PRRT3: variants seen among roughly 807,000 people sequenced by gnomAD.
The protein encoded by PRRT3 is proline-rich transmembrane protein 3.
PRRT3 carries 48 observed loss-of-function variants against 56.6 expected under a neutral mutation model. The ratio of observed to expected loss-of-function variants is 0.85; its 90% CI spans 0.67 to 1.08. The LOEUF (loss-of-function observed/expected upper bound fraction) is 1.08, where lower values mean the gene tolerates loss of function less well. Ranked by LOEUF, PRRT3 falls within the 50% of genes least tolerant of loss-of-function variation. The pLI, the probability that PRRT3 is intolerant of heterozygous loss-of-function variation, is 0.00. For missense variants in PRRT3, 1,370 were observed against 1,353.1 expected (o/e 1.01, Z -0.20); for synonymous variants, 641 against 619.1 (o/e 1.04, Z -0.52).
rs962973586 is a variant in PRRT3, at chr3:9,947,296, T to G, written c.1877A>C (p.Asp626Ala). 6.3e-7 allele frequency: 1 copy of G among 1,574,988 alleles called. No homozygotes were observed. Among genetic ancestry groups the G allele is most frequent in the Admixed American group, 1.8e-5 (1 of 55,328 alleles). The stretch of plus-strand genomic sequence containing the variant: ...GCTGGCATCCCAGCCCCGTGGGCCG[T>G]CCAGCAGGCGGCGACGGCACAGGCA... ...TLCLCRRRLL[D>A]GPRGWDASPG... The change falls in exon 4 of 4, where the codon GAC becomes GCC. Residue 626 changes from aspartate (D) to alanine (A), a missense_variant. Physicochemically the swap from Asp to Ala is moderately radical, Grantham distance 126. Coordinates refer to ENST00000412055, the MANE Select transcript of PRRT3 (RefSeq NM_207351.5). This position sits in a 1 kb window ranked among gnomAD's most constrained non-coding sequence, Gnocchi z 9.2.
Position 9,949,388 on chromosome 3 carries a change from G to A in PRRT3, c.728C>T (p.Thr243Ile). 6.2e-7 allele frequency: 1 copy of A among 1,614,198 alleles called. No homozygotes were observed. Among genetic ancestry groups the A allele is most frequent in the Non-Finnish European group, 8.5e-7 (1 of 1,180,042 alleles). Residue 243 changes from threonine (T) to isoleucine (I), a missense_variant, in exon 2 of 4, where the codon ACC becomes ATC. Thr to Ile is a moderately conservative substitution (Grantham distance 89). Coordinates refer to ENST00000412055, the MANE Select transcript of PRRT3 (RefSeq NM_207351.5). The surrounding 1 kb of genome is among the most constrained non-coding windows in gnomAD (Gnocchi z 4.5). ...ATCAGGGGCTGCTGGATCCTGCTGG[G>A]TGAAGTGGGGACCTTGAGCTGCCTC... ...LQEAAQGPHFTQQDPAAPDVG... is the reference protein window; with the variant it reads ...LQEAAQGPHFIQQDPAAPDVG...
rs2085551326 is a variant in PRRT3, at chr3:9,947,688, G to T, written c.1485C>A (p.Ala495=). 6.4e-7 allele frequency: 1 copy of T among 1,568,148 alleles called. No homozygotes were observed. The highest frequency in any genetic ancestry group is 8.6e-7 in the Non-Finnish European group (1 of 1,160,460). Residue 495 remains alanine, a synonymous_variant, in exon 4 of 4, where the codon GCC becomes GCA. Transcript: ENST00000412055. The surrounding 1 kb of genome is among the most constrained non-coding windows in gnomAD (Gnocchi z 9.2). ...PALLALAALA[A]APAGPRLALV... is the part of the protein sequence containing the mutation. ...ATGCCAGCCGGGGCCCTGCTGGGGCGGCTGCCAGCGCAGCCAGCGCCAACA... is the reference window on the plus strand; with the variant it reads ...ATGCCAGCCGGGGCCCTGCTGGGGCTGCTGCCAGCGCAGCCAGCGCCAACA...
chr3:9,952,137 G>A (rs531837620), intron 1 of PRRT3, among the ~76,000 whole-genome samples, 185 bp downstream of exon 1: 6 of 152,038 alleles, frequency 3.9e-5, no homozygotes, highest in East Asian at 3.9e-4. Flanking sequence ...TCCATCTCGG[G>A]TTACCTCTCC....
rs367993082 is a variant in PRRT3 at position 9,948,880 on chromosome 3, G to T, written c.1049C>A (p.Ser350Tyr). The T allele has an allele frequency of 7.5e-6, 12 of 1,604,462 alleles. No homozygotes were observed. Among genetic ancestry groups the T allele is most frequent in the Middle Eastern group, 1.7e-4 (1 of 6,010 alleles). Residue 350 changes from serine (S) to tyrosine (Y), a missense_variant, in exon 3 of 4, where the codon TCC becomes TAC. Physicochemically the swap from Ser to Tyr is moderately radical, Grantham distance 144. Coordinates refer to ENST00000412055, the MANE Select transcript of PRRT3 (RefSeq NM_207351.5). ...RAAMNGADPISPQRVRGAVEA... is the reference protein window; with the variant it reads ...RAAMNGADPIYPQRVRGAVEA... ...CACAGCTCCTCTCACCCGCTGGGGG[G>T]AGATGGGGTCTGCTCCATTCATTGC...
chr3:9,951,236 G>A (rs1433284246), intron 1 of PRRT3, among the ~76,000 whole-genome samples: 4 of 152,184 alleles, frequency 2.6e-5, no homozygotes, highest in African/African-American at 9.6e-5. Flanking sequence ...AGGGAGGCAG[G>A]AAGGGGCCCC....
In PRRT3 at chr3:9,949,734, T is replaced by C; in HGVS notation, c.382A>G (p.Thr128Ala). ...AGCTCTTGTGAGTCCAGAGGTCCTG[T>C]CCAGCCGTGGGAGCTTGGTCCTTGA... ...MAQGPSSHGW[T>A]GPLDSQELLQ... is the part of the protein sequence containing the mutation. Residue 128 changes from threonine (T) to alanine (A), a missense_variant, in exon 2 of 4, where the codon ACA becomes GCA. By Grantham distance (58) the Thr-to-Ala change is moderately conservative. Transcript: ENST00000412055. The surrounding 1 kb of genome is among the most constrained non-coding windows in gnomAD (Gnocchi z 4.5). 6.2e-7 allele frequency: 1 copy of C among 1,614,158 alleles called. No individual in the cohort carries two copies. Among genetic ancestry groups the C allele is most frequent in the Non-Finnish European group, 8.5e-7 (1 of 1,180,028 alleles).
rs1419046599 is a variant in PRRT3 at position 9,947,133 on chromosome 3, G to T, written c.2040C>A (p.Phe680Leu). The change falls in exon 4 of 4, where the codon TTC (phenylalanine) becomes TTA (leucine). Residue 680 changes from phenylalanine to leucine, a missense_variant. Transcript: ENST00000412055. This position sits in a 1 kb window ranked among gnomAD's most constrained non-coding sequence, Gnocchi z 9.2. The stretch of plus-strand genomic sequence containing the variant: ...ATGTCAGCTCCAGGAGGCGCAGCCA[G>T]AAGTGGACACCCCACCAGGCCCACG... ...RFSWAWWGVH[F>L]WLRLLELTWA... 7 of 1,538,786 alleles carry T rather than the reference G, an allele frequency of 4.5e-6. No individual in the cohort carries two copies. In the Admixed American group the frequency reaches 7.8e-5, roughly 17 times the overall value.
intron 3 of PRRT3, 142 bp downstream of exon 3, chr3:9,948,616 T>C (rs770023055): frequency 3.3e-6 from 3 of 910,944 alleles, no homozygotes; most frequent in East Asian, 2.5e-5. Context: ...CCTAGGTTGT[T>C]TGAAGGAGGC....
rs770491572 is a variant in PRRT3, at chr3:9,946,617, C to T, written c.2556G>A (p.Arg852=). 1.1e-5 allele frequency: 16 copies of T among 1,393,868 alleles called. No individual in the cohort carries two copies. The highest frequency in any genetic ancestry group is 1.5e-5 in the African/African-American group (1 of 65,382). 86.3% of individuals were successfully genotyped at this position (1,393,868 alleles called of 1,614,324 possible). Residue 852 remains arginine, a synonymous_variant, in exon 4 of 4, where the codon CGG becomes CGA. Coordinates refer to ENST00000412055, the MANE Select transcript of PRRT3 (RefSeq NM_207351.5). The surrounding 1 kb of genome is among the most constrained non-coding windows in gnomAD (Gnocchi z 4.1). ...PPPGGALRPR[R]GSHPKAELDD... is the part of the protein sequence containing the mutation. ...CGAGCTCGGCTTTGGGATGGCTGCC[C>T]CGGCGCGGCCGCAGAGCGCCTCCAG... is the stretch of plus-strand genomic sequence containing the variant.
Position 9,945,635 on chromosome 3 carries a change from C to G in PRRT3, c.*592G>C, listed in dbSNP as rs934364903. On this transcript the variant is annotated 3_prime_UTR_variant, in exon 4 of 4. Coordinates refer to ENST00000412055, the MANE Select transcript of PRRT3 (RefSeq NM_207351.5). ...CGTTGGGGAGTCTGGGGCACCTGCT[C>G]CCTGTTCTTCATGCCCGAATCCATG... 6.5e-6 allele frequency: 1 copy of G among 153,302 alleles called. No individual in the cohort carries two copies. The highest frequency in any genetic ancestry group is 2.4e-5 in the African/African-American group (1 of 41,434). 9.5% of individuals were successfully genotyped at this position (153,302 alleles called of 1,614,324 possible).
rs1266339087 is a variant in PRRT3 at position 9,952,330 on chromosome 3, C to T, written c.-66G>A. ...CTGGGCCAGCTCCTCACCTGCGCGC[C>T]GCAGCCCCCGTGTTCACCTTGCGCG... On this transcript the variant is annotated 5_prime_UTR_variant, in exon 1 of 4. Coordinates refer to ENST00000412055, the MANE Select transcript of PRRT3 (RefSeq NM_207351.5). The T allele has an allele frequency of 6.6e-6, 1 of 152,316 alleles. No homozygotes were observed. The highest frequency in any genetic ancestry group is 1.5e-5 in the Non-Finnish European group (1 of 68,118). 9.4% of individuals were successfully genotyped at this position (152,316 alleles called of 1,614,324 possible).
rs1461486392 is a variant in PRRT3, at chr3:9,947,156, A to G, written c.2017T>C (p.Trp673Arg). The change falls in exon 4 of 4, where the codon TGG becomes CGG. Residue 673 changes from tryptophan to arginine, a missense_variant. Coordinates refer to ENST00000412055, the MANE Select transcript of PRRT3 (RefSeq NM_207351.5). The surrounding 1 kb of genome is among the most constrained non-coding windows in gnomAD (Gnocchi z 9.2). ...CAGAAGTGGACACCCCACCAGGCCC[A>G]CGAGAAGCGGCCCACGCGGCCTGGG... ...PGPGRVGRFS[W>R]AWWGVHFWLR... 1 of 1,536,022 alleles carries G rather than the reference A, an allele frequency of 6.5e-7. No homozygotes were observed. Among genetic ancestry groups the G allele is most frequent in the Non-Finnish European group, 8.7e-7 (1 of 1,146,784 alleles).
chr3:9,949,876 A>G lies in PRRT3; in HGVS notation c.240T>C (p.Ala80=), dbSNP rs1165178493. The stretch of plus-strand genomic sequence containing the variant: ...CTACAGGCTTCTCAGGCATCTCTTC[A>G]GCAGGGGCGTGGCGGACATCAGAGT... ...HRNSDVRHAP[A]EEMPEKPVAS... Residue 80 remains alanine (A), a synonymous_variant, in exon 2 of 4, where the codon GCT becomes GCC. Transcript: ENST00000412055. The surrounding 1 kb of genome is among the most constrained non-coding windows in gnomAD (Gnocchi z 4.5). 2 of 1,613,546 alleles carry G rather than the reference A, an allele frequency of 1.2e-6. No homozygotes were observed. The highest frequency in any genetic ancestry group is 1.7e-6 in the Non-Finnish European group (2 of 1,179,624).
Position 9,947,828 on chromosome 3 carries a change from G to C in PRRT3, c.1345C>G (p.Pro449Ala), listed in dbSNP as rs2085555374. Reference protein sequence around the residue: ...SSMASAPASSPPANATAPPLR... With the variant: ...SSMASAPASSAPANATAPPLR... The stretch of plus-strand genomic sequence containing the variant: ...GGGGGTGCAGTGGCGTTGGCTGGGG[G>C]GCTGGAGGCTGGGGCTGAAGCCATG... Residue 449 changes from proline to alanine, a missense_variant, in exon 4 of 4, where the codon CCC becomes GCC. Transcript: ENST00000412055. This position sits in a 1 kb window ranked among gnomAD's most constrained non-coding sequence, Gnocchi z 9.2. 6.9e-7 allele frequency: 1 copy of C among 1,439,564 alleles called. No homozygotes were observed. The allele number at this position is 1,439,564 out of a possible 1,614,324, so 89.2% of individuals were successfully genotyped here. A position where few individuals can be genotyped will look rare whatever the true frequency, so the allele number is the denominator to read the frequency against.
chr3:9,948,940 T>TA, intron 2 of PRRT3, 27 bp from the exon 3 acceptor site: 3 of 1,544,692 alleles, frequency 1.9e-6, no homozygotes, highest in Non-Finnish European at 2.6e-6. Context: ...GTCATCACCT[T>TA]ACCTGACCCT....
chr3:9,946,862 C>A lies in PRRT3; in HGVS notation c.2311G>T (p.Ala771Ser). 6.5e-7 allele frequency: 1 copy of A among 1,539,600 alleles called. No homozygotes were observed. Among genetic ancestry groups the A allele is most frequent in the Non-Finnish European group, 8.7e-7 (1 of 1,148,474 alleles). Reference protein sequence around the residue: ...SGQLATPSSGAWGSAASLGRG... With the variant: ...SGQLATPSSGSWGSAASLGRG... The stretch of plus-strand genomic sequence containing the variant: ...CCCAACGACGCAGCCGAGCCCCAGG[C>A]GCCTGAACTGGGCGTGGCCAGCTGC... The change falls in exon 4 of 4, where the codon GCC becomes TCC. Residue 771 changes from alanine (A) to serine (S), a missense_variant. Transcript: ENST00000412055. This position sits in a 1 kb window ranked among gnomAD's most constrained non-coding sequence, Gnocchi z 4.1.
In PRRT3 at chr3:9,947,762, A is replaced by C; in HGVS notation, c.1411T>G (p.Trp471Gly). The C allele has an allele frequency of 6.6e-7, 1 of 1,505,416 alleles. No individual in the cohort carries two copies. The highest frequency in any genetic ancestry group is 8.8e-7 in the Non-Finnish European group (1 of 1,131,148). The allele number at this position is 1,505,416 out of a possible 1,614,324, so 93.3% of individuals were successfully genotyped here. The change falls in exon 4 of 4, where the codon TGG becomes GGG. Residue 471 changes from tryptophan to glycine, a missense_variant. Trp to Gly is a radical substitution (Grantham distance 184). Coordinates refer to ENST00000412055, the MANE Select transcript of PRRT3 (RefSeq NM_207351.5). This position sits in a 1 kb window ranked among gnomAD's most constrained non-coding sequence, Gnocchi z 9.2. ...GPLRRVLSFS[W>G]ELHVYGVGVL... ...CCCACCCCGTAGACGTGCAGCTCCC[A>C]GGAGAAGCTCAGGACCCGCCGAAGG...
rs1237195236 is a variant in PRRT3, at chr3:9,946,455, G to A, written c.2718C>T (p.Ser906=). ...TGATCTTGAGTGAACCCCTGGAGAA[G>A]CTGTCGAGGGAGCTGCCAGAAGCCG... The part of the protein sequence containing the change: ...AAAASGSSLD[S]FSRGSLKISW... The change falls in exon 4 of 4, where the codon AGC becomes AGT. Residue 906 remains serine (S), a synonymous_variant. Transcript: ENST00000412055. The surrounding 1 kb of genome is among the most constrained non-coding windows in gnomAD (Gnocchi z 4.1). The A allele has an allele frequency of 9.5e-6, 15 of 1,575,302 alleles. No individual in the cohort carries two copies. Among genetic ancestry groups the A allele is most frequent in the Non-Finnish European group, 1.2e-5 (14 of 1,160,996 alleles).
intron 1 of PRRT3, among the ~76,000 whole-genome samples, chr3:9,951,757 G>T (rs557454073): frequency 1.3e-5 from 2 of 152,314 alleles, no homozygotes; most frequent in Non-Finnish European, 2.9e-5. Context: ...AATACAAGGT[G>T]TGGGAACAGC....
Sources: gnomAD v4.1 joint callset for allele counts (sites outside exome capture counted in the v4.1 genomes callset) on GRCh38, gnomAD v4.1.1 for gene constraint, Gnocchi (gnomAD v3.1) non-coding constraint, MANE v1.5 for transcripts, NCBI Gene and HGNC (gene_info 2026-07-23, HGNC 2026-07-21) for gene names.